Variants in CDK11B observed in about 807,000 individuals in gnomAD.
CDK11B encodes cyclin dependent kinase 11B.
Under a neutral mutation model 84.0 loss-of-function variants are expected in CDK11B, and 37 were observed. The observed-to-expected ratio is 0.44, with a 90% CI of 0.34 to 0.58. CDK11B has a LOEUF of 0.58. CDK11B is among the 20% of genes least tolerant of loss of function. CDK11B has a pLI of 0.02. For missense variants in CDK11B, 427 were observed against 834.0 expected, an observed-to-expected ratio of 0.51 and a Z score of 6.01; for synonymous variants, 269 against 309.8, an observed-to-expected ratio of 0.87 and a Z score of 1.38.
In CDK11B at chr1:1,641,231, G is replaced by A. The variant is rs1451844367; in HGVS notation, c.1010-118C>T. 3.4e-5 allele frequency: 52 copies of A among 1,529,088 alleles called. 2 individuals are homozygous for A. Among genetic ancestry groups the A allele is most frequent in the South Asian group, 8.2e-5 (7 of 85,346 alleles). The allele number at this position is 1,529,088 out of a possible 1,614,324, so 94.7% of individuals were successfully genotyped here. ...GTTCCCAAGAATGGATATGCAGGCC[G>A]GGCGCGGTGGCTCACGCCTGTAATC... On this transcript the variant is annotated intron_variant, in intron 9 of 19. Transcript: ENST00000341832.
rs773696333 is a variant in CDK11B, at chr1:1,636,786, C to T, written c.1813G>A (p.Ala605Thr). ...LLLGAKEYST[A>T]VDMWSVGCIF... ...CAACCCACTGACCACATGTCCACGG[C>T]CGTGGAGTATTCCTAAGAGGTCAGG... The change falls in exon 17 of 20, where the codon GCC becomes ACC. Residue 605 changes from alanine (A) to threonine (T), a missense_variant. By Grantham distance (58) the Ala-to-Thr change is moderately conservative (BLOSUM62 0). This residue lies in a region of CDK11B where 170 missense variants were observed against 196.0 expected (regional missense o/e 0.87). Coordinates refer to ENST00000341832, the MANE Select transcript of CDK11B (RefSeq NM_033486.3). 38 of 1,613,764 alleles carry T rather than the reference C, an allele frequency of 2.4e-5. No homozygotes were observed.
chr1:1,636,440 G>C lies in CDK11B; in HGVS notation c.1959C>G (p.Ser653Arg). Reference protein sequence around the residue: ...TPSEKIWPGYSELPAVKKMTF... With the variant: ...TPSEKIWPGYRELPAVKKMTF... ...TCATCTTCTTGACTGCTGGGAGCTC[G>C]CTGTAGCCGGGCCAGATTTTCTCAC... is the stretch of plus-strand genomic sequence containing the variant. The change falls in exon 18 of 20, where the codon AGC (serine) becomes AGG (arginine). Residue 653 changes from serine (S) to arginine (R), a missense_variant. Coordinates refer to ENST00000341832, the MANE Select transcript of CDK11B (RefSeq NM_033486.3). The C allele has an allele frequency of 6.2e-7, 1 of 1,611,998 alleles. No homozygotes were observed. The highest frequency in any genetic ancestry group is 8.5e-7 in the Non-Finnish European group (1 of 1,178,958).
chr1:1,636,618 C>T lies in CDK11B; in HGVS notation c.1917+64G>A, dbSNP rs527835509. 2.7e-5 allele frequency: 43 copies of T among 1,606,762 alleles called. 1 individual carries two copies. The highest frequency in any genetic ancestry group is 1.7e-4 in the South Asian group (15 of 90,534). The stretch of plus-strand genomic sequence containing the variant: ...ATCTCAACCCAGCACCTGTGCGCCC[C>T]GCAGCCCCATTCCTGCAACTCCTCC... On this transcript the variant is annotated intron_variant, in intron 17 of 19. Coordinates refer to ENST00000341832, the MANE Select transcript of CDK11B (RefSeq NM_033486.3).
chr1:1,649,414 T>C, intron 5 of CDK11B, 85 bp downstream of exon 5: 1 of 1,084,826 alleles, frequency 9.2e-7, no homozygotes, highest in Non-Finnish European at 1.4e-6. Flanking sequence ...ATGTGACTTC[T>C]ATTGCCAAAT....
At position 1,637,703 on chromosome 1, in the gene CDK11B, A is replaced by G. The variant is rs1193556073; in HGVS notation, c.1464+59T>C. On this transcript the variant is annotated intron_variant, in intron 13 of 19. Transcript: ENST00000341832. ...AGGAAGCACCCGGCCCCAGGACAGC[A>G]CGGGGCCCTGTCAGAAAAGCCTTCC... 3.1e-6 allele frequency: 5 copies of G among 1,613,276 alleles called. No homozygotes were observed. The African/African-American group carries it at 6.7e-5, about 22-fold the overall frequency.
chr1:1,650,652 A>G (rs1641884682), intron 4 of CDK11B, among the ~76,000 whole-genome samples: 2 of 137,622 alleles, frequency 1.5e-5, no homozygotes, highest in Non-Finnish European at 3.1e-5. Flanking sequence ...GTTGTGAGCC[A>G]CCGCGCCCGG....
chr1:1,646,409 G>T (rs368652996), intron 5 of CDK11B: 8 of 518,846 alleles, frequency 1.5e-5, no homozygotes, highest in Non-Finnish European at 3.1e-5. Context: ...TATGCCTCAT[G>T]ATACTAGCTC....
chr1:1,651,192 C>G (rs1196330631), intron 4 of CDK11B, among the ~76,000 whole-genome samples: 37 of 152,302 alleles, frequency 2.4e-4, no homozygotes, highest in Middle Eastern at 3.4e-3. Context: ...TGGACTTGAG[C>G]AAATACCCAT....
intron 4 of CDK11B, among the ~76,000 whole-genome samples, chr1:1,651,621 A>C (rs1642018144): frequency 6.9e-6 from 1 of 144,998 alleles, no homozygotes; most frequent in African/African-American, 2.7e-5. Flanking sequence ...GCATGCTTTT[A>C]GCTAGAGTTT....
At position 1,657,419 on chromosome 1, in the gene CDK11B, T is replaced by G. The variant is rs767563152; in HGVS notation, c.67A>C (p.Arg23=). ...LDEILQEKKR[R]KEQEEKAEIK... ...TCTGCTTTCTCCTCTTGTTCCTTCCTTCGTTTCTTTTCCTGAAGAATTTCA... is the reference window on the plus strand; with the variant it reads ...TCTGCTTTCTCCTCTTGTTCCTTCCGTCGTTTCTTTTCCTGAAGAATTTCA... Residue 23 remains arginine (R), a synonymous_variant, in exon 2 of 20, where the codon AGG becomes CGG. Coordinates refer to ENST00000341832, the MANE Select transcript of CDK11B (RefSeq NM_033486.3). The G allele has an allele frequency of 6.3e-5, 98 of 1,563,986 alleles. 1 individual carries two copies. In the South Asian group the frequency reaches 1.0e-3, roughly 17 times the overall value.
Position 1,658,941 on chromosome 1 carries a change from G to T in CDK11B, c.-41C>A. On this transcript the variant is annotated 5_prime_UTR_variant, in exon 1 of 20. Transcript: ENST00000341832. ...CTACGCCGCCGCCGCTGCCGCCGCCGCCGCCGCCGGTCCCGGAGCCAGAGA... is the reference window on the plus strand; with the variant it reads ...CTACGCCGCCGCCGCTGCCGCCGCCTCCGCCGCCGGTCCCGGAGCCAGAGA... 4.9e-6 allele frequency: 1 copy of T among 204,680 alleles called. No individual in the cohort carries two copies. The highest frequency in any genetic ancestry group is 6.0e-5 in the South Asian group (1 of 16,730). The allele number at this position is 204,680 out of a possible 1,614,324, so 12.7% of individuals were successfully genotyped here.
chr1:1,650,997 A>G (rs1186377652), intron 4 of CDK11B, among the ~76,000 whole-genome samples: 13 of 152,176 alleles, frequency 8.5e-5, no homozygotes, highest in African/African-American at 2.4e-4. Flanking sequence ...CACTCTTCAC[A>G]AAGACTACAG....
rs1227962477 is a variant in CDK11B at position 1,649,714 on chromosome 1, C to T, written c.356-77G>A. The T allele has an allele frequency of 9.0e-6, 13 of 1,443,518 alleles. No individual in the cohort carries two copies. In the African/African-American group the frequency reaches 1.5e-4, roughly 17 times the overall value. 89.4% of individuals were successfully genotyped at this position (1,443,518 alleles called of 1,614,324 possible). ...ATGAAGCCGGGCACGGAGGCTTATG[C>T]CTGTAATCCTAGCACTTTGGGAGGC... On this transcript the variant is annotated intron_variant, in intron 4 of 19. Transcript: ENST00000341832.
At chr1:1,646,340 T>C (rs2100847559) in intron 5 of CDK11B, 1 of 460,270 alleles carries the variant, frequency 2.2e-6, no homozygotes, top group African/African-American at 2.0e-5. Flanking sequence ...TTTAATTTAT[T>C]TGTACTTTTT....
At position 1,637,150 on chromosome 1, in the gene CDK11B, G is replaced by A. The variant is rs746469679; in HGVS notation, c.1623C>T (p.His541=). Residue 541 remains histidine (H), a synonymous_variant, in exon 15 of 20, where the codon CAC becomes CAT. Coordinates refer to ENST00000341832, the MANE Select transcript of CDK11B (RefSeq NM_033486.3). The part of the protein sequence containing the change: ...IQLLRGVKHL[H]DNWILHRDLK... ...GGTCACGGTGCAGGATCCAGTTGTC[G>A]TGCAGGTGTTTCACCCCACGCAGCA... 7.3e-5 allele frequency: 117 copies of A among 1,613,660 alleles called. No homozygotes were observed. The highest frequency in any genetic ancestry group is 8.9e-5 in the East Asian group (4 of 44,866).
chr1:1,649,248 C>T (rs1182329418), intron 5 of CDK11B, among the ~76,000 whole-genome samples: 3 of 152,050 alleles, frequency 2.0e-5, no homozygotes, highest in Admixed American at 6.6e-5. Flanking sequence ...TACAGGTGCC[C>T]GCCACCATGC....
At chr1:1,639,738 C>T (rs1333232255) in intron 11 of CDK11B, among the ~76,000 whole-genome samples, 3 of 152,052 alleles carry the variant, frequency 2.0e-5, no homozygotes, top group Non-Finnish European at 2.9e-5. Context: ...GAGTCCCTGC[C>T]GGTCTCCCAG....
chr1:1,639,846 G>A (rs538908420), intron 11 of CDK11B, among the ~76,000 whole-genome samples: 175 of 151,788 alleles, frequency 1.2e-3, no homozygotes, highest in South Asian at 4.2e-3. Context: ...AAAGGCTTCT[G>A]GTCACACATC....
chr1:1,649,480 A>T lies in CDK11B; in HGVS notation c.494+19T>A. On this transcript the variant is annotated intron_variant, in intron 5 of 19. Transcript: ENST00000341832. ...CCACAGCCCTTTTATAAAGTCCTCA[A>T]CTGACCCAGCCGACTCACCTTTCTC... The T allele has an allele frequency of 6.5e-7, 1 of 1,543,364 alleles. No individual in the cohort carries two copies. The highest frequency in any genetic ancestry group is 9.0e-7 in the Non-Finnish European group (1 of 1,116,754).
Sources: gnomAD v4.1 joint callset for allele counts (sites outside exome capture counted in the v4.1 genomes callset) on GRCh38, gnomAD v4.1.1 for gene constraint, gnomAD v4.1.1 regional missense constraint, MANE v1.5 for transcripts, NCBI Gene and HGNC (gene_info 2026-07-23, HGNC 2026-07-21) for gene names.